CHN2: variants seen among roughly 807,000 people sequenced by gnomAD.
CHN2 encodes beta-chimaerin.
CHN2 carries 35 observed loss-of-function variants against 56.3 expected under a neutral mutation model. The observed-to-expected ratio is 0.62, with a 90% CI of 0.47 to 0.82. The LOEUF (loss-of-function observed/expected upper bound fraction) is 0.82. Among genes scored for constraint, CHN2 ranks in the 40% least tolerant of loss-of-function variants. CHN2 has a pLI of 0.00. For synonymous variants in CHN2, 210 were observed against 212.8 expected (o/e 0.99, Z 0.12); for missense variants, 491 against 580.5 (o/e 0.85, Z 1.58).
chr7:29,345,676 C>T (rs949762159), intron 1 of CHN2, among the ~76,000 whole-genome samples: 2 of 152,110 alleles, frequency 1.3e-5, no homozygotes, highest in African/African-American at 2.4e-5. Context: ...ACCTGTTCAC[C>T]GTATTGTGCC....
chr7:29,263,451 C>T (rs1398137939), intron 1 of CHN2, among the ~76,000 whole-genome samples: 1 of 152,138 alleles, frequency 6.6e-6, no homozygotes, highest in Admixed American at 6.5e-5. Flanking sequence ...GGCCGCCACC[C>T]CGTATAGGAA....
At chr7:29,469,143 T>G (rs1313271950) in intron 6 of CHN2, among the ~76,000 whole-genome samples, 1 of 152,206 alleles carries the variant, frequency 6.6e-6, no homozygotes, top group African/African-American at 2.4e-5. Flanking sequence ...ATTCTTTCTT[T>G]CATGTGCACT....
chr7:29,347,916 T>C (rs1367980757), intron 1 of CHN2, among the ~76,000 whole-genome samples: 1 of 152,236 alleles, frequency 6.6e-6, no homozygotes, highest in Admixed American at 6.5e-5. Context: ...ATGTATGGTA[T>C]GAAACCATTT....
intron 2 of CHN2, among the ~76,000 whole-genome samples, chr7:29,356,380 A>G (rs1798318795): frequency 6.6e-6 from 1 of 152,256 alleles, no homozygotes. Context: ...ACAAAGCTAC[A>G]TAAAAGACAG....
chr7:29,341,863 C>G (rs1021838415), intron 1 of CHN2, among the ~76,000 whole-genome samples: 1 of 152,164 alleles, frequency 6.6e-6, no homozygotes, highest in Non-Finnish European at 1.5e-5. Context: ...GACTCCAGAG[C>G]CAAACAGATC....
At chr7:29,259,753 TGTG>T (rs1034268655) in intron 1 of CHN2, among the ~76,000 whole-genome samples, 4 of 152,132 alleles carry the variant, frequency 2.6e-5, no homozygotes, top group African/African-American at 4.8e-5. Context: ...GGAAACAAAG[TGTG>T]GTGAGGATGT....
chr7:29,399,408 A>G (rs1472324567), intron 5 of CHN2, among the ~76,000 whole-genome samples: 1 of 152,220 alleles, frequency 6.6e-6, no homozygotes, highest in South Asian at 2.1e-4. Flanking sequence ...CCTTCAGGCC[A>G]ATGAGCCAGT....
intron 6 of CHN2, among the ~76,000 whole-genome samples, chr7:29,427,346 A>T (rs1804966541): frequency 2.0e-5 from 3 of 152,186 alleles, no homozygotes; most frequent in African/African-American, 7.2e-5. Flanking sequence ...ATTCATGATT[A>T]TCCACCTAGA....
intron 3 of CHN2, among the ~76,000 whole-genome samples, chr7:29,379,181 A>G (rs1800301367): frequency 6.6e-6 from 1 of 152,206 alleles, no homozygotes; most frequent in Admixed American, 6.5e-5. Flanking sequence ...TTTAACATGC[A>G]TAAATTAATG....
chr7:29,393,609 T>C, intron 3 of CHN2, 70 bp from the exon 4 acceptor site: 4 of 702,600 alleles, frequency 5.7e-6, no homozygotes, highest in Non-Finnish European at 8.8e-6. Context: ...TTCTGTTTAT[T>C]TGAATAGCAT....
chr7:29,257,085 TC>T lies in CHN2; in HGVS notation c.49+62098del, dbSNP rs571445944. 3.3e-4 allele frequency among the ~76,000 whole-genome samples: 51 copies of T among 152,296 alleles called. 1 individual carries two copies. The South Asian group carries it at 8.7e-3, about 26-fold the overall frequency. On this transcript the variant is annotated intron_variant, in intron 1 of 12. Coordinates refer to ENST00000222792, the MANE Select transcript of CHN2 (RefSeq NM_004067.4). ...TTACTGTTAAAAACCTGCCCTGCTT[TC>T]CCAGGCTGCCTGGTCTGAAATTCAG...
intron 1 of CHN2, among the ~76,000 whole-genome samples, chr7:29,345,529 G>C (rs112386384): frequency 1.1e-4 from 16 of 152,196 alleles, no homozygotes; most frequent in Middle Eastern, 3.4e-3. Flanking sequence ...CCTAAGACTG[G>C]TATGGTCTTG....
intron 2 of CHN2, among the ~76,000 whole-genome samples, chr7:29,177,512 C>T (rs1797507486): frequency 6.6e-6 from 1 of 151,712 alleles, no homozygotes; most frequent in Non-Finnish European, 1.5e-5. Context: ...CCTTGGCCTC[C>T]CACAGTGCTG....
intron 1 of CHN2, among the ~76,000 whole-genome samples, chr7:29,259,716 T>G (rs559443080): frequency 1.5e-4 from 23 of 152,240 alleles, no homozygotes; most frequent in South Asian, 2.1e-4. Context: ...TTAAGTGGCC[T>G]CACTCTCCCA....
chr7:29,283,922 C>CTTTT (rs70980520), intron 1 of CHN2, among the ~76,000 whole-genome samples: 1,305 of 69,902 alleles, frequency 0.019, 226 homozygotes, highest in East Asian at 0.027. Context: ...CAGCCAAGCT[C>CTTTT]TTTTTTTTTT....
upstream of CHN2, among the ~76,000 whole-genome samples, chr7:29,190,244 C>A (rs1782718495): frequency 6.6e-6 from 1 of 152,210 alleles, no homozygotes; most frequent in Non-Finnish European, 1.5e-5. Context: ...GCAAAAGGAC[C>A]ACTTTCAGGG....
intron 1 of CHN2, among the ~76,000 whole-genome samples, chr7:29,329,363 C>A (rs1163499695): frequency 9.0e-6 from 1 of 110,822 alleles, no homozygotes; most frequent in Non-Finnish European, 1.7e-5. Flanking sequence ...TAGCTTTAAA[C>A]CTTCAGATAA....
At chr7:29,164,347 C>G (rs905813634) in intron 2 of CHN2, among the ~76,000 whole-genome samples, 2 of 152,038 alleles carry the variant, frequency 1.3e-5, no homozygotes, top group Non-Finnish European at 2.9e-5. Flanking sequence ...GGTTGTTTCT[C>G]TTCTTATTAA....
At chr7:29,152,302 A>G (rs1012881891) in intron 2 of CHN2, among the ~76,000 whole-genome samples, 32 of 152,172 alleles carry the variant, frequency 2.1e-4, no homozygotes, top group Middle Eastern at 3.2e-3. Context: ...GTTAACTGCT[A>G]TGGATTTAAA....
Sources: allele counts gnomAD v4.1 joint callset (sites outside exome capture counted in the v4.1 genomes callset), GRCh38; gene constraint gnomAD v4.1.1; transcripts MANE v1.5; gene names NCBI Gene and HGNC (gene_info 2026-07-23, HGNC 2026-07-21).